Variants in ZNF578 observed in about 807,000 individuals in gnomAD.
ZNF578 encodes the protein zinc finger protein 578.
Under a neutral mutation model 8.3 loss-of-function variants are expected in ZNF578, and 8 were observed. That is an observed-to-expected ratio of 0.96 (90% CI 0.56 to 1.74). ZNF578 has a LOEUF of 1.74. Ranked by LOEUF, ZNF578 falls within the 40% of genes most tolerant of loss-of-function variation. The probability of loss-of-function intolerance (pLI) is 0.00; values close to 1 mark genes in which losing one functional copy is unlikely to be tolerated. For missense variants in ZNF578, 726 were observed against 707.5 expected (o/e 1.03, Z -0.30); for synonymous variants, 206 against 232.2 (o/e 0.89, Z 1.03).
chr19:52,499,670 G>GATAC lies in ZNF578; in HGVS notation c.-19-2154_-19-2151dup, dbSNP rs543978837. On this transcript the variant is annotated intron_variant, in intron 3 of 5. Transcript: ENST00000421239. ...CATGTATATGTGAAAAGAGTGAGAAGATACATCACTTCCAAATCGTTTTTT... is the reference window on the plus strand; with the variant it reads ...CATGTATATGTGAAAAGAGTGAGAAGATACATACATCACTTCCAAATCGTTTTTT... 1.1e-3 allele frequency among the ~76,000 whole-genome samples: 155 copies of GATAC among 145,240 alleles called. 2 individuals are homozygous for GATAC. The East Asian group carries it at 0.026, about 24-fold the overall frequency.
At chr19:52,489,294 A>T (rs2059357043) in intron 2 of ZNF578, among the ~76,000 whole-genome samples, 1 of 152,066 alleles carries the variant, frequency 6.6e-6, no homozygotes, top group Non-Finnish European at 1.5e-5. Flanking sequence ...TCCCTTTATA[A>T]AAGCAGTAGT....
At chr19:52,487,952 C>T (rs930902846) in intron 2 of ZNF578, among the ~76,000 whole-genome samples, 1 of 24,538 alleles carries the variant, frequency 4.1e-5, no homozygotes, top group African/African-American at 1.2e-4. Flanking sequence ...CCTACATAGC[C>T]CCCCCCCCTT....
intron 3 of ZNF578, among the ~76,000 whole-genome samples, chr19:52,498,046 C>A (rs329929): frequency 0.52 from 79,175 of 152,058 alleles, 21,165 homozygotes; most frequent in African/African-American, 0.63. Flanking sequence ...GTGTGTTTTG[C>A]ACATTTTTCT....
chr19:52,460,410 G>C (rs1407238967), intron 2 of ZNF578, among the ~76,000 whole-genome samples: 1 of 151,988 alleles, frequency 6.6e-6, no homozygotes, highest in Non-Finnish European at 1.5e-5. Flanking sequence ...TGGTGGTGAT[G>C]AGCATCTTAT....
Position 52,516,515 on chromosome 19 carries a change from C to G in ZNF578, c.*4361C>G, listed in dbSNP as rs1352055759. 1.3e-5 allele frequency among the ~76,000 whole-genome samples: 2 copies of G among 152,208 alleles called. No homozygotes were observed. Among genetic ancestry groups the G allele is most frequent in the East Asian group, 3.8e-4 (2 of 5,198 alleles). ...TCAGGCCTCTGAGCCCAAGCTAAGC[C>G]ATCGTATCCCCTGTCACCTGCACGT... On this transcript the variant is annotated 3_prime_UTR_variant, in exon 6 of 6. Transcript: ENST00000421239.
intron 2 of ZNF578, among the ~76,000 whole-genome samples, chr19:52,490,964 G>A (rs923146875): frequency 1.4e-4 from 21 of 152,058 alleles, no homozygotes; most frequent in African/African-American, 4.8e-4. Flanking sequence ...TAGATATTCT[G>A]TAACTATGAA....
intron 2 of ZNF578, among the ~76,000 whole-genome samples, chr19:52,469,093 T>C (rs932040200): frequency 6.6e-5 from 10 of 152,226 alleles, no homozygotes; most frequent in Middle Eastern, 3.4e-3. Context: ...TATATATACA[T>C]GTATCCCATT....
At chr19:52,479,083 G>A (rs1413663534) in intron 2 of ZNF578, among the ~76,000 whole-genome samples, 1 of 152,078 alleles carries the variant, frequency 6.6e-6, no homozygotes, top group African/African-American at 2.4e-5. Flanking sequence ...CCTGTCTGTG[G>A]AAACCATGGG....
intron 3 of ZNF578, among the ~76,000 whole-genome samples, chr19:52,495,145 C>G (rs1452975390): frequency 1.4e-5 from 2 of 146,032 alleles, no homozygotes. Context: ...CCGCGCCCAG[C>G]CTACATACTA....
chr19:52,511,866 G>A lies in ZNF578; in HGVS notation c.1485G>A (p.Arg495=), dbSNP rs1399025618. 1.9e-6 allele frequency: 3 copies of A among 1,612,992 alleles called. No homozygotes were observed. The highest frequency in any genetic ancestry group is 2.5e-6 in the Non-Finnish European group (3 of 1,179,734). ...AGTGTCACAAGACCTTCAGTCACAGGTCATCTCTTCCATGCCATCGTAGAC... is the reference window on the plus strand; with the variant it reads ...AGTGTCACAAGACCTTCAGTCACAGATCATCTCTTCCATGCCATCGTAGAC... ...CNECHKTFSH[R]SSLPCHRRLH... The change falls in exon 6 of 6, where the codon AGG becomes AGA. Residue 495 remains arginine (R), a synonymous_variant. Transcript: ENST00000421239.
At chr19:52,460,125 T>G (rs1220224587) in intron 2 of ZNF578, among the ~76,000 whole-genome samples, 1 of 151,896 alleles carries the variant, frequency 6.6e-6, no homozygotes, top group East Asian at 1.9e-4. Context: ...TATATACGTG[T>G]GTGTATGTAT....
chr19:52,475,729 A>G (rs1408809230), intron 2 of ZNF578, among the ~76,000 whole-genome samples: 3 of 152,216 alleles, frequency 2.0e-5, no homozygotes, highest in African/African-American at 7.2e-5. Flanking sequence ...TTTACAGAGA[A>G]CTACTTTCTG....
intron 2 of ZNF578, among the ~76,000 whole-genome samples, chr19:52,490,173 A>G (rs2059360552): frequency 1.3e-5 from 2 of 152,184 alleles, no homozygotes; most frequent in South Asian, 4.1e-4. Context: ...TATTTTACGC[A>G]CAGTTCACTA....
chr19:52,454,079 T>G (rs1222223632), intron 1 of ZNF578: 1 of 152,222 alleles, frequency 6.6e-6, no homozygotes, highest in Non-Finnish European at 1.5e-5. Flanking sequence ...TCCCCAGGTT[T>G]CCCCTTCACA....
chr19:52,471,304 G>A (rs1599886498), intron 2 of ZNF578, among the ~76,000 whole-genome samples: 1 of 152,136 alleles, frequency 6.6e-6, no homozygotes, highest in Non-Finnish European at 1.5e-5. Flanking sequence ...TTAACTGAGC[G>A]ACTACCAGCT....
intron 2 of ZNF578, among the ~76,000 whole-genome samples, chr19:52,491,102 T>C (rs929935056): frequency 3.3e-5 from 5 of 152,196 alleles, no homozygotes; most frequent in African/African-American, 1.2e-4. Context: ...TGTCAGAGTT[T>C]TGTCATGACA....
chr19:52,459,838 G>C (rs1336788030), intron 2 of ZNF578, among the ~76,000 whole-genome samples: 2 of 132,532 alleles, frequency 1.5e-5, no homozygotes, highest in Non-Finnish European at 3.1e-5. Flanking sequence ...GCAGTGGTGC[G>C]ATCTTGGCTC....
At position 52,489,361 on chromosome 19, in the gene ZNF578, G is replaced by A. The variant is rs1270003337; in HGVS notation, c.-121-1963G>A. On this transcript the variant is annotated intron_variant, in intron 2 of 5. Transcript: ENST00000421239. ...CGCCAGCACTTTGGAAGGCTGATGC[G>A]GGCGAATCACCTGACGTCGGGGGTT... is the stretch of plus-strand genomic sequence containing the variant. Among the ~76,000 whole-genome samples, 4 of 152,110 alleles carry A rather than the reference G, an allele frequency of 2.6e-5. No homozygotes were observed. In the East Asian group the frequency reaches 5.8e-4, roughly 22 times the overall value.
chr19:52,494,208 T>C (rs981326845), intron 3 of ZNF578, among the ~76,000 whole-genome samples: 10 of 151,492 alleles, frequency 6.6e-5, no homozygotes, highest in East Asian at 3.9e-4. Context: ...AAAGAGTGGC[T>C]GGGCGCAGTG....
Sources: allele counts gnomAD v4.1 joint callset (sites outside exome capture counted in the v4.1 genomes callset), GRCh38; gene constraint gnomAD v4.1.1; transcripts MANE v1.5; gene names NCBI Gene and HGNC (gene_info 2026-07-23, HGNC 2026-07-21).